Variants in DGKK observed in about 807,000 individuals in gnomAD.
DGKK encodes diacylglycerol kinase kappa, also known as 142 kDa diacylglycerol kinase.
Under a neutral mutation model 92.2 loss-of-function variants are expected in DGKK, and 35 were observed. The ratio of observed to expected loss-of-function variants is 0.38; its 90% CI spans 0.29 to 0.50. The LOEUF (loss-of-function observed/expected upper bound fraction) is 0.50. Among genes scored for constraint, DGKK ranks in the 20% least tolerant of loss-of-function variants. The pLI, the probability that DGKK is intolerant of heterozygous loss-of-function variation, is 0.92. For synonymous variants in DGKK, 368 were observed against 360.6 expected, an observed-to-expected ratio of 1.02 and a Z score of -0.23; for missense variants, 910 against 992.2, an observed-to-expected ratio of 0.92 and a Z score of 1.11.
At position 50,467,503 on chromosome X, in the gene DGKK, T is replaced by C. The variant is rs1474440434; in HGVS notation, c.645+2531A>G. 3.5e-5 allele frequency among the ~76,000 whole-genome samples: 4 copies of C among 113,292 alleles called. No homozygotes were observed. The East Asian group carries it at 1.1e-3, about 32-fold the overall frequency. ...AGTTTCATGCTTGCTATGGAGGATT[T>C]CATTGCATGATGAGACCTGTATTTT... is the stretch of plus-strand genomic sequence containing the variant. On this transcript the variant is annotated intron_variant, in intron 1 of 27. Coordinates refer to ENST00000611977, the MANE Select transcript of DGKK (RefSeq NM_001013742.4).
rs145247671 is a variant in DGKK, at chrX:50,428,449, G to T, written c.646-4091C>A. 1.8e-3 allele frequency among the ~76,000 whole-genome samples: 196 copies of T among 111,442 alleles called. 1 individual carries two copies. The highest frequency in any genetic ancestry group is 5.9e-3 in the African/African-American group (180 of 30,665). On this transcript the variant is annotated intron_variant, in intron 1 of 27. Transcript: ENST00000611977. ...ACAGAATGTCAAGGCTAGGGAGCAA[G>T]TAAGCTCTGTGGTTCTAAAATTGTT...
chrX:50,373,493 C>T (rs781885448), intron 25 of DGKK, among the ~76,000 whole-genome samples: 1 of 111,919 alleles, frequency 8.9e-6, no homozygotes, highest in Admixed American at 9.4e-5. Context: ...GACAAGAGAC[C>T]AAACGCACCT....
chrX:50,384,344 C>T, intron 16 of DGKK, 80 bp from the exon 17 acceptor site: 1 of 659,596 alleles, frequency 1.5e-6, no homozygotes, highest in Non-Finnish European at 2.3e-6. Context: ...GCCCTATTTT[C>T]TCTGTGGAGG....
chrX:50,406,578 A>C (rs1925159654), intron 4 of DGKK, among the ~76,000 whole-genome samples: 1 of 111,975 alleles, frequency 8.9e-6, no homozygotes, highest in Non-Finnish European at 1.9e-5. Context: ...AAAGATACAG[A>C]GCACACAGAC....
In DGKK at chrX:50,366,093, G is replaced by A. The variant is rs1923968524; in HGVS notation, c.*2847C>T. The A allele has an allele frequency of 8.9e-6, 1 of 111,872 alleles. No individual in the cohort carries two copies. The highest frequency in any genetic ancestry group is 3.8e-4 in the South Asian group (1 of 2,647). The allele number at this position is 111,872 out of a possible 1,213,427, so 9.2% of individuals were successfully genotyped here. A position where few individuals can be genotyped will look rare whatever the true frequency, so the allele number is the denominator to read the frequency against. On this transcript the variant is annotated 3_prime_UTR_variant, in exon 28 of 28. Coordinates refer to ENST00000611977, the MANE Select transcript of DGKK (RefSeq NM_001013742.4). Reference sequence around the variant, plus strand: ...CCCTAGAGCTTTGGGTCTTAATGATGTCTGAACATAATTGAGATGGATATT... The same window carrying A: ...CCCTAGAGCTTTGGGTCTTAATGATATCTGAACATAATTGAGATGGATATT...
chrX:50,429,447 A>T (rs1458554051), intron 1 of DGKK, among the ~76,000 whole-genome samples: 2 of 112,076 alleles, frequency 1.8e-5, no homozygotes, highest in Non-Finnish European at 3.8e-5. Flanking sequence ...GCACTTTGGG[A>T]GGCCGAGGCG....
intron 1 of DGKK, among the ~76,000 whole-genome samples, chrX:50,446,232 A>G (rs56098773): frequency 0.45 from 49,534 of 109,635 alleles, 9,693 homozygotes; most frequent in African/African-American, 0.76. Context: ...TGCAAACAGG[A>G]TGGTCTGACT....
chrX:50,396,290 G>C (rs1924849757), intron 8 of DGKK, among the ~76,000 whole-genome samples: 1 of 111,904 alleles, frequency 8.9e-6, no homozygotes, highest in South Asian at 3.8e-4. Context: ...AGAACTACTG[G>C]AAGGTATTTA....
At chrX:50,462,882 CTTTTTTTTTTT>C (rs548003185) in intron 1 of DGKK, among the ~76,000 whole-genome samples, 1 of 15,766 alleles carries the variant, frequency 6.3e-5, no homozygotes, top group African/African-American at 1.2e-4. Context: ...CCTTTCCTTG[CTTTTTTTTTTT>C]TTTTTTTTTT....
In DGKK at chrX:50,393,246, C is replaced by A; in HGVS notation, c.1501G>T (p.Gly501Cys). ...PLLIFINSKS[G>C]DHQGIVFLRK... Reference sequence around the variant, plus strand: ...AGGAAGACGATCCCCTGATGATCGCCACTTTTGGAGTTGATGAAGATGAGC... The same window carrying A: ...AGGAAGACGATCCCCTGATGATCGCAACTTTTGGAGTTGATGAAGATGAGC... The change falls in exon 9 of 28, where the codon GGC (glycine) becomes TGC (cysteine). Residue 501 changes from glycine to cysteine, a missense_variant. By Grantham distance (159) the Gly-to-Cys change is radical. Transcript: ENST00000611977. The A allele has an allele frequency of 1.7e-6, 2 of 1,210,063 alleles. No individual in the cohort carries two copies. Among genetic ancestry groups the A allele is most frequent in the Non-Finnish European group, 2.2e-6 (2 of 894,476 alleles).
intron 4 of DGKK, among the ~76,000 whole-genome samples, chrX:50,409,597 G>A (rs953100323): frequency 1.8e-5 from 2 of 112,107 alleles, no homozygotes; most frequent in South Asian, 7.5e-4. Flanking sequence ...GCTAAAGAAA[G>A]TAGTTTTCTT....
chrX:50,447,800 G>C (rs1441142875), intron 1 of DGKK, among the ~76,000 whole-genome samples: 1 of 109,789 alleles, frequency 9.1e-6, no homozygotes, highest in Non-Finnish European at 1.9e-5. Flanking sequence ...TTGGGAAGGA[G>C]GGGGAGCAGT....
At chrX:50,431,483 C>T (rs868963803) in intron 1 of DGKK, among the ~76,000 whole-genome samples, 3 of 111,626 alleles carry the variant, frequency 2.7e-5, no homozygotes, top group Admixed American at 9.5e-5. Flanking sequence ...GCTGCTCTTC[C>T]GTTTTAATTT....
At position 50,374,877 on chromosome X, in the gene DGKK, C is replaced by G. The variant is rs1557223628; in HGVS notation, c.3501+94G>C. 2.9e-5 allele frequency: 22 copies of G among 768,663 alleles called. 1 individual carries two copies. The highest frequency in any genetic ancestry group is 3.1e-5 in the Non-Finnish European group (16 of 521,293). 63.3% of individuals were successfully genotyped at this position (768,663 alleles called of 1,213,427 possible). On this transcript the variant is annotated intron_variant, in intron 25 of 27. Transcript: ENST00000611977. ...GGCAAGCACCTGGCCAAAATGCTCC[C>G]ACGGGTCTCCAGTGCCCTTGGACCA...
chrX:50,384,741 T>C lies in DGKK; in HGVS notation c.2431A>G (p.Asn811Asp). The change falls in exon 16 of 28, where the codon AAC (asparagine) becomes GAC (aspartate). Residue 811 changes from asparagine to aspartate, a missense_variant. Coordinates refer to ENST00000611977, the MANE Select transcript of DGKK (RefSeq NM_001013742.4). ...TTACGGCGTCGTGGGCTTGTCTGGT[T>C]AATATCTTCTGGGTCATCTTCCAGG... The part of the protein sequence containing the change: ...FFLEDDPEDI[N>D]QTSPRRRSRR... The C allele has an allele frequency of 8.3e-6, 10 of 1,210,569 alleles. No homozygotes were observed. Among genetic ancestry groups the C allele is most frequent in the African/African-American group, 1.7e-5 (1 of 57,832 alleles).
At chrX:50,464,924 C>T (rs1276090655) in intron 1 of DGKK, among the ~76,000 whole-genome samples, 1 of 111,310 alleles carries the variant, frequency 9.0e-6, no homozygotes, top group African/African-American at 3.3e-5. Context: ...CTTTAGCCAT[C>T]ATCCCCTTTT....
chrX:50,384,895 G>T, intron 15 of DGKK, 71 bp from the exon 16 acceptor site: 1 of 766,864 alleles, frequency 1.3e-6, no homozygotes, highest in Non-Finnish European at 1.9e-6. Context: ...AAGGAGGGAG[G>T]GAGGATGGAA....
chrX:50,369,747 G>A (rs1279120634), intron 27 of DGKK, among the ~76,000 whole-genome samples: 1 of 111,279 alleles, frequency 9.0e-6, no homozygotes, highest in Non-Finnish European at 1.9e-5. Context: ...TTTTTGTAGA[G>A]ACAGCAGGGT....
intron 1 of DGKK, among the ~76,000 whole-genome samples, chrX:50,447,301 C>A: frequency 1.8e-5 from 1 of 55,121 alleles, no homozygotes; most frequent in Non-Finnish European, 3.4e-5. Context: ...TTAATGTCTA[C>A]GAGAAGTAGT....
Sources: gnomAD v4.1 joint callset for allele counts (sites outside exome capture counted in the v4.1 genomes callset) on GRCh38, gnomAD v4.1.1 for gene constraint, MANE v1.5 for transcripts, NCBI Gene and HGNC (gene_info 2026-07-23, HGNC 2026-07-21) for gene names.